FANCC: variants seen among roughly 807,000 people sequenced by gnomAD.
The protein encoded by FANCC is Fanconi anemia group C protein.
FANCC carries 55 observed loss-of-function variants against 71.3 expected under a neutral mutation model. The ratio of observed to expected loss-of-function variants is 0.77; its 90% confidence interval spans 0.62 to 0.97. FANCC has a LOEUF of 0.97. FANCC is among the 50% of genes least tolerant of loss of function. FANCC has a pLI of 0.00. For missense variants in FANCC, 678 were observed against 670.9 expected (o/e 1.01, Z -0.12); for synonymous variants, 275 against 244.9 (o/e 1.12, Z -1.15).
Position 95,306,828 on chromosome 9 carries a change from A to AT in FANCC, c.-79+10697dup, listed in dbSNP as rs200333199. Among the ~76,000 whole-genome samples, 506 of 152,096 alleles carry AT rather than the reference A, an allele frequency of 3.3e-3. 9 individuals are homozygous for AT. The East Asian group carries it at 0.043, about 13-fold the overall frequency. ...AATTCCTTAATTATGAGCCAAAGTAATTTTTTTGAAAAGTCTCCATTCTAT... is the reference window on the plus strand; with the variant it reads ...AATTCCTTAATTATGAGCCAAAGTAATTTTTTTTGAAAAGTCTCCATTCTAT... On this transcript the variant is annotated intron_variant, in intron 1 of 14. Transcript: ENST00000289081.
intron 1 of FANCC, among the ~76,000 whole-genome samples, chr9:95,261,873 C>A (rs1832072529): frequency 6.6e-6 from 1 of 152,106 alleles, no homozygotes; most frequent in African/African-American, 2.4e-5. Flanking sequence ...CAGGTGGGAG[C>A]GGATCCTTCA....
intron 4 of FANCC, among the ~76,000 whole-genome samples, chr9:95,234,303 T>C (rs1223824194): frequency 6.6e-6 from 1 of 152,236 alleles, no homozygotes; most frequent in Non-Finnish European, 1.5e-5. Context: ...CATTAATTTA[T>C]TCAAAAATTT....
intron 6 of FANCC, among the ~76,000 whole-genome samples, chr9:95,152,715 T>A (rs573012408): frequency 6.6e-6 from 1 of 152,324 alleles, no homozygotes; most frequent in Admixed American, 6.5e-5. Flanking sequence ...TGGTAAATTC[T>A]GAGATTTTAA....
chr9:95,163,119 AAAGGT>A (rs1830853185), intron 6 of FANCC, among the ~76,000 whole-genome samples: 3 of 152,194 alleles, frequency 2.0e-5, no homozygotes, highest in Non-Finnish European at 2.9e-5. Flanking sequence ...ATATATAATG[AAAGGT>A]AAGGGTTCAA....
chr9:95,149,135 G>A (rs1055537342), intron 7 of FANCC, among the ~76,000 whole-genome samples: 2 of 151,760 alleles, frequency 1.3e-5, no homozygotes, highest in African/African-American at 2.4e-5. Flanking sequence ...TTGTGTTAAC[G>A]TGTAATAAAA....
At chr9:95,306,297 G>A (rs4647368) in intron 1 of FANCC, among the ~76,000 whole-genome samples, 14 of 152,132 alleles carry the variant, frequency 9.2e-5, no homozygotes, top group East Asian at 7.7e-4. Flanking sequence ...AAAGACATGC[G>A]TATCAAATAC....
At chr9:95,292,646 C>T in intron 1 of FANCC, 1 of 1,399,304 alleles carries the variant, frequency 7.1e-7, no homozygotes, top group South Asian at 1.2e-5. Flanking sequence ...TCAACATGCA[C>T]CTGGTCAAGA....
intron 7 of FANCC, among the ~76,000 whole-genome samples, chr9:95,137,050 T>C (rs1827804132): frequency 6.6e-6 from 1 of 152,132 alleles, no homozygotes; most frequent in Non-Finnish European, 1.5e-5. Flanking sequence ...CCCTCCTGTC[T>C]TGCCCCAAGA....
Position 95,126,592 on chromosome 9 carries a change from A to C in FANCC, c.844-11T>G, listed in dbSNP as rs1427661141. 3.1e-6 allele frequency: 5 copies of C among 1,613,888 alleles called. No homozygotes were observed. Among genetic ancestry groups the C allele is most frequent in the Non-Finnish European group, 4.2e-6 (5 of 1,179,790 alleles). On this transcript the variant is annotated splice_polypyrimidine_tract_variant and intron_variant, in intron 8 of 14. Transcript: ENST00000289081. The stretch of plus-strand genomic sequence containing the variant: ...GCAGGCTGCTTGAGGCTGTAAAAGG[A>C]GAAGACCATGAGAATGTGAAATATC...
intron 10 of FANCC, among the ~76,000 whole-genome samples, chr9:95,118,070 G>A (rs976383092): frequency 1.3e-5 from 2 of 152,062 alleles, no homozygotes; most frequent in African/African-American, 4.8e-5. Flanking sequence ...GCAGGCTGGA[G>A]TGCAGAGGCA....
chr9:95,168,501 A>T (rs1372738643), intron 6 of FANCC, among the ~76,000 whole-genome samples: 1 of 152,236 alleles, frequency 6.6e-6, no homozygotes, highest in Non-Finnish European at 1.5e-5. Flanking sequence ...TTAAATGAAA[A>T]AATTCCAGAA....
intron 4 of FANCC, among the ~76,000 whole-genome samples, chr9:95,172,598 T>C (rs941878890): frequency 1.3e-5 from 2 of 151,918 alleles, no homozygotes; most frequent in African/African-American, 4.8e-5. Context: ...TACAAAAGGA[T>C]CCAGATATTA....
chr9:95,258,322 A>T (rs1831798713), intron 1 of FANCC, among the ~76,000 whole-genome samples: 2 of 152,206 alleles, frequency 1.3e-5, no homozygotes, highest in Non-Finnish European at 2.9e-5. Context: ...CCAGCAACAC[A>T]TCAAAAAGCT....
At chr9:95,124,625 T>A (rs1201866785) in intron 10 of FANCC, among the ~76,000 whole-genome samples, 1 of 152,216 alleles carries the variant, frequency 6.6e-6, no homozygotes, top group African/African-American at 2.4e-5. Context: ...CAATTCACAT[T>A]TGGGTCTCTG....
chr9:95,304,189 T>C (rs1834933072), intron 1 of FANCC, among the ~76,000 whole-genome samples: 1 of 152,170 alleles, frequency 6.6e-6, no homozygotes, highest in Non-Finnish European at 1.5e-5. Flanking sequence ...CATTCTGCTT[T>C]AGGAAGATAC....
chr9:95,182,499 G>C (rs779821254), intron 4 of FANCC, among the ~76,000 whole-genome samples: 9 of 152,190 alleles, frequency 5.9e-5, no homozygotes, highest in Non-Finnish European at 1.2e-4. Flanking sequence ...CAGCCTGGGA[G>C]ATAGAGAAAG....
At chr9:95,161,011 G>A (rs952990767) in intron 6 of FANCC, among the ~76,000 whole-genome samples, 2 of 152,174 alleles carry the variant, frequency 1.3e-5, no homozygotes, top group Admixed American at 1.3e-4. Flanking sequence ...ACTGTAAAAT[G>A]GGGGCTTTTG....
intron 4 of FANCC, among the ~76,000 whole-genome samples, chr9:95,194,937 C>G (rs763899688): frequency 4.6e-5 from 7 of 152,106 alleles, no homozygotes; most frequent in Non-Finnish European, 1.0e-4. Context: ...TGGTGGCTCA[C>G]GCCTGTAATC....
chr9:95,103,647 C>A (rs2071224115), intron 14 of FANCC, among the ~76,000 whole-genome samples: 1 of 152,168 alleles, frequency 6.6e-6, no homozygotes, highest in Admixed American at 6.5e-5. Flanking sequence ...AGGAGAACCG[C>A]AGGGACGTTG....
Sources: allele counts gnomAD v4.1 joint callset (sites outside exome capture counted in the v4.1 genomes callset), GRCh38; gene constraint gnomAD v4.1.1; transcripts MANE v1.5; gene names NCBI Gene and HGNC (gene_info 2026-07-23, HGNC 2026-07-21).